Variants in RRAGB observed in about 807,000 individuals in gnomAD.
RRAGB encodes Ras related GTP binding B, also known as ras-related GTP-binding protein B.
In RRAGB, 6 loss-of-function variants were observed where a neutral mutation model predicts 29.3. That is an observed-to-expected ratio of 0.21 (90% CI 0.11 to 0.40). RRAGB has a LOEUF of 0.40. Among genes scored for constraint, RRAGB ranks in the 10% least tolerant of loss-of-function variants. RRAGB has a pLI of 1.00. For synonymous variants in RRAGB, 101 were observed against 92.5 expected (o/e 1.09, Z -0.53); for missense variants, 184 against 272.9 (o/e 0.67, Z 2.29).
chrX:55,729,280 T>C lies in RRAGB; in HGVS notation c.227-14T>C, dbSNP rs2033588647. The C allele has an allele frequency of 8.7e-7, 1 of 1,143,772 alleles. No homozygotes were observed. Among genetic ancestry groups the C allele is most frequent in the South Asian group, 1.8e-5 (1 of 54,755 alleles). 94.3% of individuals were successfully genotyped at this position (1,143,772 alleles called of 1,213,427 possible). On this transcript the variant is annotated splice_polypyrimidine_tract_variant and intron_variant, in intron 3 of 9. Transcript: ENST00000374941. ...CCTGTTATAATTACTAGATTTGTCA[T>C]ATTTGTCTTCCAGTTGATGTAGAAC...
chrX:55,738,412 G>C (rs1415694007), intron 5 of RRAGB, among the ~76,000 whole-genome samples: 4 of 112,137 alleles, frequency 3.6e-5, no homozygotes, highest in Non-Finnish European at 5.6e-5. Flanking sequence ...CTGCCCTCTG[G>C]TCTCCCAGCA....
At chrX:55,720,778 T>C (rs1055913047) in intron 2 of RRAGB, among the ~76,000 whole-genome samples, 1 of 110,454 alleles carries the variant, frequency 9.1e-6, no homozygotes, top group Non-Finnish European at 1.9e-5. Flanking sequence ...GTGGGGTGGC[T>C]GAGGCATGAG....
In RRAGB at chrX:55,718,516, A is replaced by G. The variant is rs1478193179; in HGVS notation, c.92+97A>G. On this transcript the variant is annotated intron_variant, in intron 1 of 9. Transcript: ENST00000374941. ...ACTTCTCCCCACCCCGCACCATGAT[A>G]AATTGCTTTGATTTACCAGTAATGT... is the stretch of plus-strand genomic sequence containing the variant. 1.3e-5 allele frequency: 7 copies of G among 526,813 alleles called. No individual in the cohort carries two copies. In the East Asian group the frequency reaches 2.3e-4, roughly 17 times the overall value. 43.4% of individuals were successfully genotyped at this position (526,813 alleles called of 1,213,427 possible).
intron 8 of RRAGB, among the ~76,000 whole-genome samples, chrX:55,756,593 A>G (rs1033176319): frequency 9.8e-5 from 11 of 112,700 alleles, no homozygotes; most frequent in African/African-American, 3.5e-4. Context: ...GAAATAGCCA[A>G]TGACAAGCAA....
At chrX:55,724,006 A>G (rs1466824692) in intron 3 of RRAGB, among the ~76,000 whole-genome samples, 1 of 112,382 alleles carries the variant, frequency 8.9e-6, no homozygotes, top group Non-Finnish European at 1.9e-5. Context: ...ATGCAGGTGG[A>G]GTCTGATCAG....
intron 7 of RRAGB, chrX:55,755,608 A>G (rs1272355477): frequency 2.3e-5 from 17 of 746,885 alleles, no homozygotes; most frequent in Non-Finnish European, 2.4e-5. Context: ...AATAGGCAAT[A>G]CGTAAATGAT....
chrX:55,751,234 A>G (rs2034516130), intron 6 of RRAGB, 38 bp downstream of exon 6: 2 of 761,457 alleles, frequency 2.6e-6, no homozygotes, highest in Middle Eastern at 2.9e-4. Context: ...TTTTAAGAGC[A>G]TGAAAAAAAA....
chrX:55,734,011 T>C (rs752691561), intron 5 of RRAGB, among the ~76,000 whole-genome samples: 2 of 109,045 alleles, frequency 1.8e-5, no homozygotes, highest in East Asian at 5.8e-4. Context: ...TCACCCAGGC[T>C]GGAGTGCAGT....
intron 5 of RRAGB, among the ~76,000 whole-genome samples, chrX:55,738,567 A>T (rs2033943418): frequency 1.8e-5 from 2 of 112,341 alleles, no homozygotes; most frequent in Non-Finnish European, 3.8e-5. Flanking sequence ...TAGGCTCAAG[A>T]CCTCCCGATT....
At chrX:55,718,504 C>A in intron 1 of RRAGB, 85 bp downstream of exon 1, 4 of 540,911 alleles carry the variant, frequency 7.4e-6, no homozygotes, top group Non-Finnish European at 1.2e-5. Flanking sequence ...TCTCCCCACC[C>A]CGCACCATGA....
chrX:55,750,535 A>G (rs1321963632), intron 5 of RRAGB, among the ~76,000 whole-genome samples: 1 of 111,558 alleles, frequency 9.0e-6, no homozygotes, highest in Non-Finnish European at 1.9e-5. Context: ...ATGCCTTTGC[A>G]ACAACATACA....
intron 5 of RRAGB, among the ~76,000 whole-genome samples, chrX:55,748,281 G>T (rs933874422): frequency 5.4e-4 from 61 of 112,241 alleles, no homozygotes; most frequent in Middle Eastern, 4.6e-3. Flanking sequence ...GCCTCTGCCT[G>T]CCCGCCACCC....
In RRAGB at chrX:55,755,417, A is replaced by G. The variant is rs1004854980; in HGVS notation, c.736-424A>G. ...CTTTTAAAATACAATTCCAAAAGCT[A>G]TTTGGTTAGCTTGGCCTTTATTAAA... On this transcript the variant is annotated intron_variant, in intron 7 of 9. Transcript: ENST00000374941. The G allele has an allele frequency of 4.0e-5, 30 of 744,455 alleles. No individual in the cohort carries two copies. In the Admixed American group the frequency reaches 6.1e-4, roughly 15 times the overall value. 61.4% of individuals were successfully genotyped at this position (744,455 alleles called of 1,213,427 possible).
At chrX:55,725,921 C>T (rs1196939561) in intron 3 of RRAGB, among the ~76,000 whole-genome samples, 1 of 110,742 alleles carries the variant, frequency 9.0e-6, no homozygotes, top group African/African-American at 3.3e-5. Context: ...TGTCATTCCC[C>T]AAAGCTCTGT....
intron 3 of RRAGB, among the ~76,000 whole-genome samples, 184 bp downstream of exon 3, chrX:55,722,469 C>G (rs1236717984): frequency 9.0e-6 from 1 of 111,226 alleles, no homozygotes; most frequent in Non-Finnish European, 1.9e-5. Flanking sequence ...TGCTTGCTGT[C>G]TTGGGGGAGG....
At chrX:55,726,256 C>T (rs1340642468) in intron 3 of RRAGB, among the ~76,000 whole-genome samples, 19 of 111,653 alleles carry the variant, frequency 1.7e-4, no homozygotes, top group African/African-American at 3.9e-4. Context: ...ACATTACAGA[C>T]GTGTAAAAAG....
At position 55,731,098 on chromosome X, in the gene RRAGB, A is replaced by G. The variant is rs753087558; in HGVS notation, c.294-266A>G. ...CATAAGGAGAGGGGCAGAGAAATGG[A>G]TCTGGTACAGGAGAATCAATGAGAC... On this transcript the variant is annotated intron_variant, in intron 4 of 9. Coordinates refer to ENST00000374941, the MANE Select transcript of RRAGB (RefSeq NM_006064.5). 9.0e-5 allele frequency among the ~76,000 whole-genome samples: 10 copies of G among 111,594 alleles called. No individual in the cohort carries two copies. The East Asian group carries it at 2.8e-3, about 32-fold the overall frequency.
At chrX:55,721,640 TA>T (rs1338451965) in intron 2 of RRAGB, among the ~76,000 whole-genome samples, 1 of 111,003 alleles carries the variant, frequency 9.0e-6, no homozygotes. Flanking sequence ...GTCTTATATG[TA>T]GTCTAAGGAC....
chrX:55,755,534 T>C, intron 7 of RRAGB: 4 of 738,539 alleles, frequency 5.4e-6, no homozygotes, highest in Non-Finnish European at 6.4e-6. Context: ...AAGACCATCA[T>C]GCGAAATATT....
Sources: allele counts gnomAD v4.1 joint callset (sites outside exome capture counted in the v4.1 genomes callset), GRCh38; gene constraint gnomAD v4.1.1; transcripts MANE v1.5; gene names NCBI Gene and HGNC (gene_info 2026-07-23, HGNC 2026-07-21).